SFI1: variants seen among roughly 807,000 people sequenced by gnomAD.
SFI1 encodes the protein protein SFI1 homolog.
SFI1 carries 195 observed loss-of-function variants against 207.5 expected under a neutral mutation model. The ratio of observed to expected loss-of-function variants is 0.94; its 90% confidence interval spans 0.84 to 1.06. SFI1 has a LOEUF of 1.06. Ranked by LOEUF, SFI1 falls within the 50% of genes least tolerant of loss-of-function variation. The probability of loss-of-function intolerance (pLI) is 0.00; values close to 1 mark genes in which losing one functional copy is unlikely to be tolerated. For missense variants in SFI1, 1,634 were observed against 1,588.0 expected, an observed-to-expected ratio of 1.03 and a Z score of -0.49; for synonymous variants, 630 against 598.9, an observed-to-expected ratio of 1.05 and a Z score of -0.76.
chr22:31,498,864 T>C (rs1263581578), intron 1 of SFI1, among the ~76,000 whole-genome samples: 1 of 149,922 alleles, frequency 6.7e-6, no homozygotes, highest in Admixed American at 6.6e-5. Context: ...TTTTTTCTTT[T>C]TTTTTTTTTT....
intron 12 of SFI1, among the ~76,000 whole-genome samples, chr22:31,581,013 T>G (rs5749306): frequency 0.22 from 34,002 of 151,942 alleles, 4,233 homozygotes; most frequent in East Asian, 0.43. Context: ...CTTTTTTTCT[T>G]TACTTATTTA....
intron 11 of SFI1, 64 bp from the exon 12 acceptor site, chr22:31,580,208 C>A: frequency 7.5e-7 from 1 of 1,334,992 alleles, no homozygotes; most frequent in Non-Finnish European, 1.1e-6. Context: ...CCTTCCTCTA[C>A]TCTTAGTTTA....
chr22:31,606,357 C>G lies in SFI1; in HGVS notation c.2084C>G (p.Thr695Ser). Reference protein sequence around the residue: ...RGALRRWKENTMARVDEAKKT... With the variant: ...RGALRRWKENSMARVDEAKKT... ...GCATTACGTCGCTGGAAAGAGAACA[C>G]CATGGCCCGAGTGGATGAAGCCAAA... The change falls in exon 21 of 33, where the codon ACC becomes AGC. Residue 695 changes from threonine (T) to serine (S), a missense_variant. By Grantham distance (58) the Thr-to-Ser change is moderately conservative. Coordinates refer to ENST00000400288, the MANE Select transcript of SFI1 (RefSeq NM_001007467.3). 2 of 1,613,932 alleles carry G rather than the reference C, an allele frequency of 1.2e-6. No individual in the cohort carries two copies. Among genetic ancestry groups the G allele is most frequent in the Non-Finnish European group, 1.7e-6 (2 of 1,180,036 alleles).
chr22:31,618,365 C>A lies in SFI1; in HGVS notation c.3676C>A (p.Pro1226Thr). 6.2e-7 allele frequency: 1 copy of A among 1,607,818 alleles called. No individual in the cohort carries two copies. The highest frequency in any genetic ancestry group is 2.2e-5 in the East Asian group (1 of 44,686). ...LAEELQAQRQ[P>T]IGACVARIQA... is the part of the protein sequence containing the mutation. ...AGAGGAGCTCCAGGCTCAGCGCCAGCCCATTGGCGCCTGCGTTGCCCGCAT... is the reference window on the plus strand; with the variant it reads ...AGAGGAGCTCCAGGCTCAGCGCCAGACCATTGGCGCCTGCGTTGCCCGCAT... The change falls in exon 33 of 33, where the codon CCC becomes ACC. Residue 1226 changes from proline to threonine, a missense_variant. Pro to Thr is a conservative substitution (Grantham distance 38, BLOSUM62 -1). Coordinates refer to ENST00000400288, the MANE Select transcript of SFI1 (RefSeq NM_001007467.3).
At chr22:31,504,705 A>T (rs547077651) in intron 1 of SFI1, among the ~76,000 whole-genome samples, 6 of 152,254 alleles carry the variant, frequency 3.9e-5, no homozygotes, top group African/African-American at 1.4e-4. Flanking sequence ...GGCTCAGGGG[A>T]GAATCTGTTC....
rs367547310 is a variant in SFI1 at position 31,615,264 on chromosome 22, G to A, written c.3285G>A (p.Ala1095=). The change falls in exon 29 of 33, where the codon GCG becomes GCA. Residue 1095 remains alanine, a synonymous_variant. Transcript: ENST00000400288. ...LPLSSFMPCG[A]AAPARVSAQR... The stretch of plus-strand genomic sequence containing the variant: ...TTTCCTCCTTCATGCCCTGCGGGGC[G>A]GCTGCACCAGCCAGGGTACGTCCTC... 5.7e-4 allele frequency: 858 copies of A among 1,501,474 alleles called. 2 individuals carry two copies. The African/African-American group carries it at 9.4e-3, about 16-fold the overall frequency. 93.0% of individuals were successfully genotyped at this position (1,501,474 alleles called of 1,614,324 possible).
chr22:31,528,003 A>G (rs954936978), intron 2 of SFI1, among the ~76,000 whole-genome samples: 4 of 152,138 alleles, frequency 2.6e-5, no homozygotes, highest in Admixed American at 6.6e-5. Flanking sequence ...AGTCCCAGCT[A>G]CTAGGGAGGC....
chr22:31,616,946 C>A (rs1346226849), intron 30 of SFI1, 54 bp from the exon 31 acceptor site: 2 of 1,613,250 alleles, frequency 1.2e-6, no homozygotes, highest in South Asian at 1.1e-5. Context: ...TTGCTATTTA[C>A]CCTGGTCCCC....
chr22:31,508,514 A>T (rs1180718132), intron 2 of SFI1, 138 bp downstream of exon 2: 1 of 609,596 alleles, frequency 1.6e-6, no homozygotes, highest in Non-Finnish European at 2.8e-6. Flanking sequence ...TGATATTTCA[A>T]ATTTTTCATC....
intron 8 of SFI1, among the ~76,000 whole-genome samples, chr22:31,568,660 G>T (rs1475084818): frequency 6.6e-6 from 1 of 151,570 alleles, no homozygotes; most frequent in Non-Finnish European, 1.5e-5. Context: ...TTAGAGAAAT[G>T]GCTGATTATA....
chr22:31,586,407 T>C (rs1337342072), intron 14 of SFI1, among the ~76,000 whole-genome samples: 1 of 152,246 alleles, frequency 6.6e-6, no homozygotes, highest in Non-Finnish European at 1.5e-5. Flanking sequence ...GGATATGTGC[T>C]AATATTTGGA....
chr22:31,617,667 G>A (rs920174852), intron 31 of SFI1, among the ~76,000 whole-genome samples: 1 of 151,560 alleles, frequency 6.6e-6, no homozygotes, highest in Admixed American at 6.6e-5. Flanking sequence ...GTTGCAGTGA[G>A]CTGAGATCAC....
intron 12 of SFI1, among the ~76,000 whole-genome samples, chr22:31,582,318 C>G (rs1401120352): frequency 7.9e-6 from 1 of 126,014 alleles, no homozygotes; most frequent in African/African-American, 3.1e-5. Context: ...GTAGCTTGAT[C>G]TCGGCTCACT....
At chr22:31,531,806 T>A (rs2058555920) in intron 4 of SFI1, among the ~76,000 whole-genome samples, 1 of 151,212 alleles carries the variant, frequency 6.6e-6, no homozygotes, top group South Asian at 2.1e-4. Flanking sequence ...GGCAGGAGAA[T>A]TGCTTGAACC....
At chr22:31,561,504 G>T (rs910566489) in intron 8 of SFI1, 112 bp downstream of exon 8, 5 of 840,068 alleles carry the variant, frequency 6.0e-6, no homozygotes, top group Non-Finnish European at 9.1e-6. Context: ...GAGGGGGTGG[G>T]GACAGAGGTA....
chr22:31,599,637 A>G (rs1226587933), intron 15 of SFI1, among the ~76,000 whole-genome samples: 1 of 146,620 alleles, frequency 6.8e-6, no homozygotes, highest in Non-Finnish European at 1.5e-5. Context: ...GCCCAGACTA[A>G]TTTTTTTTTC....
At position 31,557,346 on chromosome 22, in the gene SFI1, TG is replaced by T. The variant is rs1218095771; in HGVS notation, c.662+288del. Reference sequence around the variant, plus strand: ...GGCATGCGCCACTATGCCCAGCTAATGTTTTTTTTTTTTTCATTTTTTTGTA... The same window carrying T: ...GGCATGCGCCACTATGCCCAGCTAATTTTTTTTTTTTTTCATTTTTTTGTA... On this transcript the variant is annotated intron_variant, in intron 7 of 32. Coordinates refer to ENST00000400288, the MANE Select transcript of SFI1 (RefSeq NM_001007467.3). Among the ~76,000 whole-genome samples, 8 of 150,758 alleles carry T rather than the reference TG, an allele frequency of 5.3e-5. No homozygotes were observed. In the East Asian group the frequency reaches 1.6e-3, roughly 29 times the overall value.
chr22:31,606,597 A>T, intron 21 of SFI1, 167 bp downstream of exon 21: 1 of 549,330 alleles, frequency 1.8e-6, no homozygotes, highest in Non-Finnish European at 3.2e-6. Context: ...GCACATGTTT[A>T]GTTTTTTACT....
At chr22:31,509,366 C>T (rs5998020) in intron 2 of SFI1, among the ~76,000 whole-genome samples, 32 of 152,310 alleles carry the variant, frequency 2.1e-4, no homozygotes, top group African/African-American at 6.7e-4. Flanking sequence ...AACAGTGCAG[C>T]CTTCAATCTG....
Sources: gnomAD v4.1 joint callset for allele counts (sites outside exome capture counted in the v4.1 genomes callset) on GRCh38, gnomAD v4.1.1 for gene constraint, MANE v1.5 for transcripts, NCBI Gene and HGNC (gene_info 2026-07-23, HGNC 2026-07-21) for gene names.